IL12B: variants seen among roughly 807,000 people sequenced by gnomAD.
The protein encoded by IL12B is interleukin 12B.
In IL12B, 27 loss-of-function variants were observed where a neutral mutation model predicts 39.2. The observed-to-expected ratio is 0.69, with a 90% CI of 0.51 to 0.95. The LOEUF (loss-of-function observed/expected upper bound fraction) is 0.95, where lower values mean the gene tolerates loss of function less well. IL12B is among the 40% of genes least tolerant of loss of function. IL12B has a pLI of 0.00. For missense variants in IL12B, 351 were observed against 397.6 expected (o/e 0.88, Z 1.00); for synonymous variants, 142 against 152.1 (o/e 0.93, Z 0.49).
At chr5:159,320,173 G>A (rs746095636) in intron 5 of IL12B, 133 bp downstream of exon 5, 11 of 769,078 alleles carry the variant, frequency 1.4e-5, no homozygotes, top group Non-Finnish European at 1.8e-5. Context: ...TATCTACATC[G>A]TATTTTGTTT....
Position 159,322,319 on chromosome 5 carries a change from A to G in IL12B, c.482+75T>C, listed in dbSNP as rs1216136052. 5 of 925,030 alleles carry G rather than the reference A, an allele frequency of 5.4e-6. No homozygotes were observed. The South Asian group carries it at 6.5e-5, about 12-fold the overall frequency. The allele number at this position is 925,030 out of a possible 1,614,324, so 57.3% of individuals were successfully genotyped here. A position where few individuals can be genotyped will look rare whatever the true frequency, so the allele number is the denominator to read the frequency against. On this transcript the variant is annotated intron_variant, in intron 4 of 7. Transcript: ENST00000231228. ...TCCCATTATCATTAACTGATAGGTC[A>G]CTGAGAGGTTGCCCTTAATTTCTTA... is the stretch of plus-strand genomic sequence containing the variant.
intron 2 of IL12B, among the ~76,000 whole-genome samples, chr5:159,325,042 C>T (rs529534704): frequency 4.6e-5 from 7 of 152,024 alleles, no homozygotes; most frequent in Admixed American, 2.0e-4. Flanking sequence ...AACTGAGGCT[C>T]GGAAGCCCTA....
intron 4 of IL12B, 131 bp downstream of exon 4, chr5:159,322,263 G>A (rs1023432807): frequency 1.6e-5 from 12 of 754,562 alleles, no homozygotes; most frequent in Middle Eastern, 2.9e-4. Flanking sequence ...AAGGAAGGGC[G>A]GTTGAAAAAA....
rs1464292150 is a variant in IL12B, at chr5:159,315,769, A to G, written c.*332T>C. On this transcript the variant is annotated 3_prime_UTR_variant, in exon 8 of 8. Transcript: ENST00000231228. The stretch of plus-strand genomic sequence containing the variant: ...GGGACTGATCCTGATGGATCAGGTC[A>G]TAAGAGTATGAAACATTCCATACAT... The G allele has an allele frequency of 6.5e-6, 1 of 152,826 alleles. No homozygotes were observed. The highest frequency in any genetic ancestry group is 1.5e-5 in the Non-Finnish European group (1 of 68,050). The allele number at this position is 152,826 out of a possible 1,614,324, so 9.5% of individuals were successfully genotyped here.
At chr5:159,329,797 G>A (rs1050856826) in intron 1 of IL12B, among the ~76,000 whole-genome samples, 1 of 151,790 alleles carries the variant, frequency 6.6e-6, no homozygotes, top group Non-Finnish European at 1.5e-5. Context: ...ATTTTACCTG[G>A]GCAAGTAAAA....
At chr5:159,321,364 TATACAC>T (rs1404672585) in intron 4 of IL12B, among the ~76,000 whole-genome samples, 192 of 147,312 alleles carry the variant, frequency 1.3e-3, no homozygotes, top group African/African-American at 3.3e-3. Context: ...TATATATATA[TATACAC>T]ACACACACAC....
At chr5:159,317,586 G>C (rs760289567) in intron 6 of IL12B, among the ~76,000 whole-genome samples, 6 of 152,246 alleles carry the variant, frequency 3.9e-5, no homozygotes. Context: ...TGGGGTGAAA[G>C]GAGTCTGGGG....
chr5:159,318,443 A>G (rs951726825), intron 6 of IL12B, among the ~76,000 whole-genome samples: 1 of 152,226 alleles, frequency 6.6e-6, no homozygotes, highest in South Asian at 2.1e-4. Context: ...ATTGTGTTGT[A>G]ATTGCCTACA....
chr5:159,326,637 C>G (rs1584756622), intron 2 of IL12B, 58 bp downstream of exon 2: 6 of 1,244,656 alleles, frequency 4.8e-6, no homozygotes, highest in African/African-American at 1.5e-5. Context: ...CCAGTGGCTG[C>G]CCAAGAGTCC....
In IL12B at chr5:159,316,745, C is replaced by T; in HGVS notation, c.927G>A (p.Arg309=). The change falls in exon 7 of 8, where the codon CGG becomes CGA. Residue 309 remains arginine (R), a synonymous_variant. Transcript: ENST00000231228. ...ICRKNASISV[R]AQDRYYSSSW... ...ATGAGCTATAGTAGCGGTCCTGGGC[C>T]CGCACGCTAATGCTGGCATTTTTGC... The T allele has an allele frequency of 6.2e-7, 1 of 1,614,152 alleles. No homozygotes were observed. The highest frequency in any genetic ancestry group is 1.6e-4 in the Middle Eastern group (1 of 6,062).
chr5:159,329,077 G>T (rs2113039208), intron 1 of IL12B, among the ~76,000 whole-genome samples: 1 of 152,278 alleles, frequency 6.6e-6, no homozygotes, highest in South Asian at 2.1e-4. Flanking sequence ...AGGACAAAGG[G>T]ACCCCACGTT....
At chr5:159,326,197 G>A (rs1478311131) in intron 2 of IL12B, among the ~76,000 whole-genome samples, 2 of 152,170 alleles carry the variant, frequency 1.3e-5, no homozygotes, top group Non-Finnish European at 2.9e-5. Flanking sequence ...CCAGCTTAAA[G>A]TCACATAACC....
At position 159,322,417 on chromosome 5, in the gene IL12B, T is replaced by A. The variant is rs747444855; in HGVS notation, c.459A>T (p.Thr153=). The part of the protein sequence containing the change: ...WWLTTISTDL[T]FSVKSSRGSS... ...ACCCTCTGCTGCTTTTGACACTGAA[T>A]GTCAAATCAGTACTGATTGTCGTCA... The change falls in exon 4 of 8, where the codon ACA becomes ACT. Residue 153 remains threonine (T), a synonymous_variant. Transcript: ENST00000231228. 1 of 1,610,734 alleles carries A rather than the reference T, an allele frequency of 6.2e-7. No individual in the cohort carries two copies. The highest frequency in any genetic ancestry group is 2.2e-5 in the East Asian group (1 of 44,866).
At chr5:159,329,216 T>C (rs1328367745) in intron 1 of IL12B, among the ~76,000 whole-genome samples, 1 of 152,026 alleles carries the variant, frequency 6.6e-6, no homozygotes, top group East Asian at 1.9e-4. Flanking sequence ...GAAAAGGGAG[T>C]TATTATTAAA....
At chr5:159,327,402 G>A (rs1170373341) in intron 1 of IL12B, among the ~76,000 whole-genome samples, 1 of 152,218 alleles carries the variant, frequency 6.6e-6, no homozygotes, top group African/African-American at 2.4e-5. Flanking sequence ...GGACAGGAAC[G>A]GTAATACAGA....
At chr5:159,326,527 A>C (rs759892974) in intron 2 of IL12B, among the ~76,000 whole-genome samples, 168 bp downstream of exon 2, 6 of 152,216 alleles carry the variant, frequency 3.9e-5, no homozygotes, top group African/African-American at 7.2e-5. Flanking sequence ...TATAGATACC[A>C]TCAAAGTAGA....
intron 1 of IL12B, among the ~76,000 whole-genome samples, chr5:159,328,836 A>G (rs963433942): frequency 1.1e-4 from 16 of 152,252 alleles, no homozygotes; most frequent in Middle Eastern, 3.4e-3. Context: ...GGTTCTAAGA[A>G]GCAACTCCCA....
chr5:159,326,998 G>C (rs1456225953), intron 1 of IL12B, among the ~76,000 whole-genome samples: 1 of 152,146 alleles, frequency 6.6e-6, no homozygotes. Context: ...ATGGCAGTCT[G>C]TGGGGAAGAA....
At position 159,323,120 on chromosome 5, in the gene IL12B, A is replaced by C; in HGVS notation, c.298T>G (p.Ser100Ala). The C allele has an allele frequency of 1.2e-6, 2 of 1,614,178 alleles. No homozygotes were observed. Among genetic ancestry groups the C allele is most frequent in the South Asian group, 1.1e-5 (1 of 91,086 alleles). The change falls in exon 3 of 8, where the codon TCG (serine) becomes GCG (alanine). Residue 100 changes from serine to alanine, a missense_variant. Ser to Ala is a moderately conservative substitution (Grantham distance 99). Transcript: ENST00000231228. ...TCCTTTTTGTGAAGCAGCAGGAGCGAATGGCTTAGAACCTCGCCTCCTTTG... is the reference window on the plus strand; with the variant it reads ...TCCTTTTTGTGAAGCAGCAGGAGCGCATGGCTTAGAACCTCGCCTCCTTTG... ...CHKGGEVLSHSLLLLHKKEDG... is the reference protein window; with the variant it reads ...CHKGGEVLSHALLLLHKKEDG...
Sources: allele counts gnomAD v4.1 joint callset (sites outside exome capture counted in the v4.1 genomes callset), GRCh38; gene constraint gnomAD v4.1.1; transcripts MANE v1.5; gene names NCBI Gene and HGNC (gene_info 2026-07-23, HGNC 2026-07-21).